Variants in LMTK3 observed in about 807,000 individuals in gnomAD.
The protein encoded by LMTK3 is serine/threonine-protein kinase LMTK3.
In LMTK3, 27 loss-of-function variants were observed where a neutral mutation model predicts 116.7. The ratio of observed to expected loss-of-function variants is 0.23; its 90% CI spans 0.17 to 0.32. The LOEUF (loss-of-function observed/expected upper bound fraction) is 0.32, where lower values mean the gene tolerates loss of function less well. LMTK3 is among the 10% of genes least tolerant of loss of function. The pLI, the probability that LMTK3 is intolerant of heterozygous loss-of-function variation, is 1.00. For missense variants in LMTK3, 1,764 were observed against 2,068.5 expected, an observed-to-expected ratio of 0.85 and a Z score of 2.86; for synonymous variants, 965 against 971.0, an observed-to-expected ratio of 0.99 and a Z score of 0.11.
intron 12 of LMTK3, among the ~76,000 whole-genome samples, chr19:48,492,510 C>T (rs562693539): frequency 9.9e-5 from 15 of 152,118 alleles, no homozygotes; most frequent in Non-Finnish European, 1.8e-4. Flanking sequence ...CATTCCTCAA[C>T]CCATCTCTCT....
chr19:48,490,703 A>C (rs1972206540), intron 14 of LMTK3, among the ~76,000 whole-genome samples: 1 of 152,154 alleles, frequency 6.6e-6, no homozygotes, highest in Admixed American at 6.5e-5. Flanking sequence ...GGTTCACACC[A>C]ACCGGCTTTG....
chr19:48,512,860 T>C (rs941835700), upstream of LMTK3, among the ~76,000 whole-genome samples: 1 of 152,078 alleles, frequency 6.6e-6, no homozygotes, highest in Middle Eastern at 3.4e-3. Context: ...ACATATAACA[T>C]GCACATATAC....
Position 48,488,370 on chromosome 19 carries a change from TATCCTC to T in LMTK3, c.4367-2587_4367-2582del, listed in dbSNP as rs1469077975. On this transcript the variant is annotated intron_variant, in intron 14 of 14. Transcript: ENST00000600059. ...CTCCATTCCCACAGCCCTGGCTCAC[TATCCTC>T]TCCTCAGCCTTTCCCCAGCCTCCCA... 4.6e-5 allele frequency among the ~76,000 whole-genome samples: 7 copies of T among 152,062 alleles called. No individual in the cohort carries two copies. The South Asian group carries it at 1.4e-3, about 31-fold the overall frequency.
intron 2 of LMTK3, 129 bp downstream of exon 2, chr19:48,510,330 T>C (rs145209134): frequency 1.3e-4 from 183 of 1,424,348 alleles, no homozygotes; most frequent in Admixed American, 4.0e-4. Context: ...GCTCCAGATC[T>C]TGCCATAGCT....
At chr19:48,507,870 A>T (rs979878594) in intron 5 of LMTK3, among the ~76,000 whole-genome samples, 3 of 152,182 alleles carry the variant, frequency 2.0e-5, no homozygotes. Flanking sequence ...ATATAGTGAC[A>T]ACCTGGGGTA....
intron 14 of LMTK3, among the ~76,000 whole-genome samples, chr19:48,487,898 C>T (rs1364421376): frequency 6.6e-6 from 1 of 152,100 alleles, no homozygotes; most frequent in Non-Finnish European, 1.5e-5. Context: ...GGGTATGTGG[C>T]ATCTCTTGGT....
In LMTK3 at chr19:48,491,648, C is replaced by A. The variant is rs1972229288; in HGVS notation, c.4093-109G>T. 2 of 1,040,256 alleles carry A rather than the reference C, an allele frequency of 1.9e-6. No individual in the cohort carries two copies. Among genetic ancestry groups the A allele is most frequent in the Non-Finnish European group, 2.5e-6 (2 of 800,174 alleles). 64.4% of individuals were successfully genotyped at this position (1,040,256 alleles called of 1,614,324 possible). On this transcript the variant is annotated intron_variant, in intron 12 of 14. Coordinates refer to ENST00000600059, the MANE Select transcript of LMTK3 (RefSeq NM_001388485.1). This position sits in a 1 kb window ranked among gnomAD's most constrained non-coding sequence, Gnocchi z 5.1. The stretch of plus-strand genomic sequence containing the variant: ...CTAATATTTCTGGGGCTCTAGGAAT[C>A]CCAATTTGTAATCACTGACTCGCAC...
At chr19:48,504,564 T>C (rs947534632) in intron 5 of LMTK3, among the ~76,000 whole-genome samples, 1 of 152,188 alleles carries the variant, frequency 6.6e-6, no homozygotes, top group East Asian at 1.9e-4. Context: ...GCATTCTTTT[T>C]TTTAAGACAG....
upstream of LMTK3, among the ~76,000 whole-genome samples, chr19:48,511,970 TC>T (rs1456683701): frequency 7.8e-6 from 1 of 127,920 alleles, no homozygotes; most frequent in East Asian, 2.5e-4. Context: ...GGCAACTGGC[TC>T]CCCCGTAGCA....
At chr19:48,489,500 G>T (rs768821653) in intron 14 of LMTK3, among the ~76,000 whole-genome samples, 1 of 150,432 alleles carries the variant, frequency 6.6e-6, no homozygotes, top group Non-Finnish European at 1.5e-5. Flanking sequence ...TTGAACCCGG[G>T]AGGTGGAGGT....
intron 5 of LMTK3, among the ~76,000 whole-genome samples, chr19:48,506,809 C>T (rs922904784): frequency 2.6e-5 from 4 of 152,214 alleles, no homozygotes; most frequent in Non-Finnish European, 4.4e-5. Flanking sequence ...GGATTACAGG[C>T]GCCTGCCCAC....
rs1474518765 is a variant in LMTK3 at position 48,506,260 on chromosome 19, A to AG, written c.557+2590_557+2591insC. ...GCTCAAGGCTGAAGTGAGCCTTGAAAAAAAAAAAAAAAGTATTTATTTATC... is the reference window on the plus strand; with the variant it reads ...GCTCAAGGCTGAAGTGAGCCTTGAAAGAAAAAAAAAAAAGTATTTATTTATC... On this transcript the variant is annotated intron_variant, in intron 5 of 14. Coordinates refer to ENST00000600059, the MANE Select transcript of LMTK3 (RefSeq NM_001388485.1). Among the ~76,000 whole-genome samples the AG allele has an allele frequency of 7.3e-5, 11 of 151,368 alleles. No individual in the cohort carries two copies. In the East Asian group the frequency reaches 1.9e-3, roughly 27 times the overall value.
Position 48,499,297 on chromosome 19 carries a change from G to C in LMTK3, c.1772C>G (p.Ala591Gly). The C allele has an allele frequency of 7.1e-7, 1 of 1,413,894 alleles. No homozygotes were observed. Among genetic ancestry groups the C allele is most frequent in the Non-Finnish European group, 9.2e-7 (1 of 1,083,196 alleles). The allele number at this position is 1,413,894 out of a possible 1,614,324, so 87.6% of individuals were successfully genotyped here. ...GGACTGGGCTGGGAAGGGCCGGGGC[G>C]CAGGGAAGAGGGGGGAGGCCCAGGT... ...SETWASPLFP[A>G]PRPFPAQSSA... is the part of the protein sequence containing the mutation. Residue 591 changes from alanine to glycine, a missense_variant, in exon 11 of 15, where the codon GCG (alanine) becomes GGG (glycine). By Grantham distance (60) the Ala-to-Gly change is moderately conservative. Coordinates refer to ENST00000600059, the MANE Select transcript of LMTK3 (RefSeq NM_001388485.1).
Position 48,493,850 on chromosome 19 carries a change from G to T in LMTK3, c.3936C>A (p.Pro1312=). Residue 1312 remains proline (P), a synonymous_variant, in exon 12 of 15, where the codon CCC becomes CCA. Coordinates refer to ENST00000600059, the MANE Select transcript of LMTK3 (RefSeq NM_001388485.1). ...GPGRARAAPV[P]VVVSSADADA... is the part of the protein sequence containing the mutation. Reference sequence around the variant, plus strand: ...CCGCGTCGGCGCTGCTCACCACGACGGGCACCGGGGCTGCTCGCGCCCTCC... The same window carrying T: ...CCGCGTCGGCGCTGCTCACCACGACTGGCACCGGGGCTGCTCGCGCCCTCC... The T allele has an allele frequency of 7.8e-7, 1 of 1,289,382 alleles. No homozygotes were observed. Among genetic ancestry groups the T allele is most frequent in the Non-Finnish European group, 9.8e-7 (1 of 1,016,558 alleles). 79.9% of individuals were successfully genotyped at this position (1,289,382 alleles called of 1,614,324 possible). A position where few individuals can be genotyped will look rare whatever the true frequency, so the allele number is the denominator to read the frequency against.
At position 48,495,048 on chromosome 19, in the gene LMTK3, C is replaced by T. The variant is rs139992253; in HGVS notation, c.3677-939G>A. ...TTTTGAAATGAAGTCTTGCTCTCGT[C>T]GCCCAGGCTGGAGTGCAGTGGTACG... On this transcript the variant is annotated intron_variant, in intron 11 of 14. Coordinates refer to ENST00000600059, the MANE Select transcript of LMTK3 (RefSeq NM_001388485.1). 0.013 allele frequency among the ~76,000 whole-genome samples: 1,970 copies of T among 151,330 alleles called. 31 individuals are homozygous for T. The Middle Eastern group carries it at 0.13, about 10-fold the overall frequency.
chr19:48,506,290 G>A (rs1409551391), intron 5 of LMTK3, among the ~76,000 whole-genome samples: 2 of 151,290 alleles, frequency 1.3e-5, no homozygotes, highest in African/African-American at 4.9e-5. Flanking sequence ...TTTATCTATT[G>A]TGTGTCTTCT....
In LMTK3 at chr19:48,497,456, G is replaced by A; in HGVS notation, c.3613C>T (p.Pro1205Ser). ...GDPPKPERKG[P>S]EMPRLFLDLG... ...TCCAAGAATAGTCGTGGCATCTCGG[G>A]GCCCTTCCTCTCGGGCTTGGGGGGG... Residue 1205 changes from proline (P) to serine (S), a missense_variant, in exon 11 of 15, where the codon CCC (proline) becomes TCC (serine). Coordinates refer to ENST00000600059, the MANE Select transcript of LMTK3 (RefSeq NM_001388485.1). The surrounding 1 kb of genome is among the most constrained non-coding windows in gnomAD (Gnocchi z 5.7). 15 of 1,532,412 alleles carry A rather than the reference G, an allele frequency of 9.8e-6. No homozygotes were observed. Among genetic ancestry groups the A allele is most frequent in the Non-Finnish European group, 1.3e-5 (15 of 1,142,882 alleles). The allele number at this position is 1,532,412 out of a possible 1,614,324, so 94.9% of individuals were successfully genotyped here. A position where few individuals can be genotyped will look rare whatever the true frequency, so the allele number is the denominator to read the frequency against.
At chr19:48,508,753 C>T (rs1019892423) in intron 5 of LMTK3, 98 bp downstream of exon 5, 10 of 947,014 alleles carry the variant, frequency 1.1e-5, no homozygotes, top group South Asian at 1.3e-5. Flanking sequence ...GCTGCACAAC[C>T]GGAAGAGGTA....
chr19:48,501,671 T>A, intron 7 of LMTK3, 109 bp from the exon 8 acceptor site: 2 of 1,070,282 alleles, frequency 1.9e-6, no homozygotes, highest in Admixed American at 2.0e-5. Flanking sequence ...CCCGCCACAC[T>A]GACTCTGCCC....
Sources: gnomAD v4.1 joint callset for allele counts (sites outside exome capture counted in the v4.1 genomes callset) on GRCh38, gnomAD v4.1.1 for gene constraint, Gnocchi (gnomAD v3.1) non-coding constraint, MANE v1.5 for transcripts, NCBI Gene and HGNC (gene_info 2026-07-23, HGNC 2026-07-21) for gene names.